The following PRKCB variants were observed in gnomAD, a reference collection of about 807,000 sequenced individuals.
PRKCB encodes the protein protein kinase C beta type.
PRKCB carries 13 observed loss-of-function variants against 81.5 expected under a neutral mutation model. That is an observed-to-expected ratio of 0.16 (90% CI 0.10 to 0.25). The LOEUF (loss-of-function observed/expected upper bound fraction) is 0.25, where lower values mean the gene tolerates loss of function less well. Ranked by LOEUF, PRKCB falls within the 10% of genes least tolerant of loss-of-function variation. The pLI, the probability that PRKCB is intolerant of heterozygous loss-of-function variation, is 1.00. For missense variants in PRKCB, 509 were observed against 875.7 expected (o/e 0.58, Z 5.29); for synonymous variants, 335 against 321.4 (o/e 1.04, Z -0.45).
chr16:23,900,553 A>G (rs188643171), intron 2 of PRKCB, among the ~76,000 whole-genome samples: 27 of 152,062 alleles, frequency 1.8e-4, no homozygotes, highest in African/African-American at 6.5e-4. Flanking sequence ...AGTCTCCTAT[A>G]TATTAGTAGA....
intron 7 of PRKCB, among the ~76,000 whole-genome samples, chr16:24,096,157 G>A (rs1966435985): frequency 6.6e-6 from 1 of 152,100 alleles, no homozygotes; most frequent in Admixed American, 6.5e-5. Context: ...TTAGTTGGGT[G>A]TGCTGGCATG....
At chr16:23,954,306 C>T (rs1567324714) in intron 2 of PRKCB, among the ~76,000 whole-genome samples, 2 of 152,124 alleles carry the variant, frequency 1.3e-5, no homozygotes, top group Non-Finnish European at 2.9e-5. Context: ...AAGGAGGTGT[C>T]AGAGAAGGTC....
At chr16:23,986,144 C>T (rs1438867484) in intron 2 of PRKCB, among the ~76,000 whole-genome samples, 2 of 152,182 alleles carry the variant, frequency 1.3e-5, no homozygotes, top group Non-Finnish European at 2.9e-5. Flanking sequence ...TTTATATGAC[C>T]TTGGAGCATG....
intron 2 of PRKCB, among the ~76,000 whole-genome samples, chr16:23,966,257 C>T (rs1320328650): frequency 6.6e-6 from 1 of 152,178 alleles, no homozygotes; most frequent in Non-Finnish European, 1.5e-5. Context: ...GGACTGGAGC[C>T]CTGGAGACTT....
chr16:24,022,112 A>G (rs551032580), intron 3 of PRKCB, among the ~76,000 whole-genome samples: 1 of 152,192 alleles, frequency 6.6e-6, no homozygotes, highest in Admixed American at 6.5e-5. Context: ...GGGGATGATC[A>G]AGGGGTGATG....
At chr16:24,133,226 T>C (rs937515623) in intron 9 of PRKCB, among the ~76,000 whole-genome samples, 1 of 151,910 alleles carries the variant, frequency 6.6e-6, no homozygotes, top group African/African-American at 2.4e-5. Flanking sequence ...CAAAAAAAAA[T>C]TGCATGCCTT....
rs56289209 is a variant in PRKCB, at chr16:24,193,444, CAAATAAATAAATAAATAAAT to C, written c.1863+2251_1863+2270del. Reference sequence around the variant, plus strand: ...TGGGCGACAGAGTGAGACTCCATCTCAAATAAATAAATAAATAAATAAATAAATAAATAAATAAATAAATA... The same window carrying C: ...TGGGCGACAGAGTGAGACTCCATCTCAAATAAATAAATAAATAAATAAATA... On this transcript the variant is annotated intron_variant, in intron 16 of 16. Coordinates refer to ENST00000643927, the MANE Select transcript of PRKCB (RefSeq NM_002738.7). 1.0e-3 allele frequency among the ~76,000 whole-genome samples: 122 copies of C among 122,234 alleles called. 1 individual carries two copies. Among genetic ancestry groups the C allele is most frequent in the Admixed American group, 2.3e-3 (27 of 11,630 alleles). 80.2% of individuals were successfully genotyped at this position (122,234 alleles called of 152,430 possible). A position where few individuals can be genotyped will look rare whatever the true frequency, so the allele number is the denominator to read the frequency against.
chr16:23,894,207 G>T (rs929278162), intron 2 of PRKCB, among the ~76,000 whole-genome samples: 1 of 152,104 alleles, frequency 6.6e-6, no homozygotes, highest in African/African-American at 2.4e-5. Flanking sequence ...TTCAAGTTTT[G>T]GTTGCATCAC....
chr16:23,851,771 T>C (rs1030538117), intron 2 of PRKCB, among the ~76,000 whole-genome samples: 5 of 152,226 alleles, frequency 3.3e-5, no homozygotes, highest in African/African-American at 1.2e-4. Context: ...ATCAGTGTTG[T>C]ATAGTTTTCA....
chr16:24,065,539 A>C (rs926731127), intron 5 of PRKCB, among the ~76,000 whole-genome samples: 1 of 152,230 alleles, frequency 6.6e-6, no homozygotes, highest in Non-Finnish European at 1.5e-5. Flanking sequence ...TTTAAACTAC[A>C]TTATGATAAT....
intron 5 of PRKCB, among the ~76,000 whole-genome samples, chr16:24,068,619 T>G (rs1966070653): frequency 6.6e-6 from 1 of 152,144 alleles, no homozygotes; most frequent in South Asian, 2.1e-4. Flanking sequence ...TTGCCCCAAG[T>G]GGTATGATAT....
chr16:24,214,711 C>G lies in PRKCB; in HGVS notation c.1917C>G (p.Val639=), dbSNP rs1296269699. The stretch of plus-strand genomic sequence containing the variant: ...GATTTTTCACCCGCCATCCACCAGT[C>G]CTAACACCTCCCGACCAGGAAGTCA... ...FDRFFTRHPP[V]LTPPDQEVIR... The change falls in exon 17 of 17, where the codon GTC becomes GTG. Residue 639 remains valine (V), a synonymous_variant. Transcript: ENST00000643927. 6.2e-7 allele frequency: 1 copy of G among 1,614,054 alleles called. No homozygotes were observed. The highest frequency in any genetic ancestry group is 1.3e-5 in the African/African-American group (1 of 74,918).
At chr16:23,951,866 A>C (rs566116062) in intron 2 of PRKCB, among the ~76,000 whole-genome samples, 3 of 152,164 alleles carry the variant, frequency 2.0e-5, no homozygotes, top group African/African-American at 7.2e-5. Flanking sequence ...GGAACGTCAC[A>C]CTTCCACAGT....
intron 3 of PRKCB, among the ~76,000 whole-genome samples, chr16:23,995,345 G>C (rs1964941171): frequency 6.6e-6 from 1 of 152,190 alleles, no homozygotes; most frequent in Non-Finnish European, 1.5e-5. Context: ...TTTGCCACTT[G>C]GGCCATCTGA....
At chr16:23,978,645 G>A (rs1055733222) in intron 2 of PRKCB, among the ~76,000 whole-genome samples, 2 of 152,234 alleles carry the variant, frequency 1.3e-5, no homozygotes, top group African/African-American at 4.8e-5. Flanking sequence ...GTGTGGGGCA[G>A]TGGAGTGACA....
chr16:24,092,765 T>C, intron 5 of PRKCB, 26 bp from the exon 6 acceptor site: 1 of 1,609,472 alleles, frequency 6.2e-7, no homozygotes, highest in African/African-American at 1.3e-5. Context: ...ACAGTATTAA[T>C]GCAAAAACTG....
intron 7 of PRKCB, among the ~76,000 whole-genome samples, chr16:24,112,197 C>T (rs960159762): frequency 2.0e-5 from 3 of 152,122 alleles, no homozygotes; most frequent in Admixed American, 2.0e-4. Flanking sequence ...CAAAGTGGCA[C>T]CCTATGCACC....
intron 2 of PRKCB, among the ~76,000 whole-genome samples, chr16:23,870,966 T>C (rs1962892843): frequency 6.6e-6 from 1 of 152,186 alleles, no homozygotes; most frequent in South Asian, 2.1e-4. Flanking sequence ...GCTGGAGCAA[T>C]AGGGGGCCTG....
chr16:24,077,288 G>A (rs1966189984), intron 5 of PRKCB, among the ~76,000 whole-genome samples: 1 of 152,098 alleles, frequency 6.6e-6, no homozygotes, highest in Admixed American at 6.6e-5. Flanking sequence ...GTAAAATTAT[G>A]ATAATAAGAA....
Sources: allele counts gnomAD v4.1 joint callset (sites outside exome capture counted in the v4.1 genomes callset), GRCh38; gene constraint gnomAD v4.1.1; transcripts MANE v1.5; gene names NCBI Gene and HGNC (gene_info 2026-07-23, HGNC 2026-07-21).